The following SPECC1L variants were observed in gnomAD, a reference collection of about 807,000 sequenced individuals.
SPECC1L encodes the protein cytospin-A.
In SPECC1L, 40 loss-of-function variants were observed where a neutral mutation model predicts 116.8. The observed-to-expected ratio is 0.34, with a 90% confidence interval of 0.27 to 0.45. The LOEUF (loss-of-function observed/expected upper bound fraction) is 0.45, where lower values mean the gene tolerates loss of function less well. Among genes scored for constraint, SPECC1L ranks in the 20% least tolerant of loss-of-function variants. The probability of loss-of-function intolerance (pLI) is 1.00; values close to 1 mark genes in which losing one functional copy is unlikely to be tolerated. For synonymous variants in SPECC1L, 504 were observed against 500.6 expected, an observed-to-expected ratio of 1.01 and a Z score of -0.09; for missense variants, 1,110 against 1,373.6, an observed-to-expected ratio of 0.81 and a Z score of 3.03.
At position 24,400,492 on chromosome 22, in the gene SPECC1L, C is replaced by T. The variant is rs185941354; in HGVS notation, c.3088-11096C>T. On this transcript the variant is annotated intron_variant, in intron 14 of 16. Transcript: ENST00000314328. ...CAATTGGTGGGCATTTGGGTTGTTTCCACCTTTTGGCTTTTTTGAATAGTG... is the reference window on the plus strand; with the variant it reads ...CAATTGGTGGGCATTTGGGTTGTTTTCACCTTTTGGCTTTTTTGAATAGTG... Among the ~76,000 whole-genome samples, 7 of 152,290 alleles carry T rather than the reference C, an allele frequency of 4.6e-5. No homozygotes were observed. In the East Asian group the frequency reaches 1.4e-3, roughly 29 times the overall value.
At chr22:24,398,003 A>G (rs1210133665) in intron 14 of SPECC1L, among the ~76,000 whole-genome samples, 1 of 152,222 alleles carries the variant, frequency 6.6e-6, no homozygotes, top group Non-Finnish European at 1.5e-5. Context: ...AGACCCTGTG[A>G]CAGAATTTTC....
intron 5 of SPECC1L, among the ~76,000 whole-genome samples, chr22:24,323,910 C>T (rs923672657): frequency 1.3e-5 from 2 of 152,162 alleles, no homozygotes; most frequent in Non-Finnish European, 2.9e-5. Flanking sequence ...ATTAAACAAA[C>T]GTACATGCTT....
chr22:24,397,739 G>C (rs1484309318), intron 14 of SPECC1L, among the ~76,000 whole-genome samples: 1 of 152,070 alleles, frequency 6.6e-6, no homozygotes, highest in Non-Finnish European at 1.5e-5. Flanking sequence ...TGCCCATCCT[G>C]TCTGCTTCAT....
chr22:24,375,708 A>G (rs1362290706), intron 14 of SPECC1L, among the ~76,000 whole-genome samples: 1 of 152,206 alleles, frequency 6.6e-6, no homozygotes, highest in African/African-American at 2.4e-5. Context: ...TAATCCCAGT[A>G]CTTTGGGAGG....
chr22:24,314,491 CTA>C (rs1285629420), intron 4 of SPECC1L, among the ~76,000 whole-genome samples: 1 of 152,120 alleles, frequency 6.6e-6, no homozygotes, highest in Admixed American at 6.5e-5. Flanking sequence ...TATTTACTGT[CTA>C]TTTTTATATT....
chr22:24,402,848 T>G, intron 14 of SPECC1L, among the ~76,000 whole-genome samples: 1 of 152,242 alleles, frequency 6.6e-6, no homozygotes, highest in East Asian at 1.9e-4. Context: ...TTAATTAAAC[T>G]TCAAACAAAT....
At chr22:24,342,725 T>C (rs941153643) in intron 10 of SPECC1L, among the ~76,000 whole-genome samples, 2 of 147,814 alleles carry the variant, frequency 1.4e-5, no homozygotes, top group Non-Finnish European at 3.0e-5. Context: ...TTTGAGGACA[T>C]AGCAGTAGAA....
chr22:24,304,738 C>T (rs1041149833), intron 3 of SPECC1L, among the ~76,000 whole-genome samples: 4 of 152,162 alleles, frequency 2.6e-5, no homozygotes, highest in Non-Finnish European at 5.9e-5. Context: ...TGATATTTCT[C>T]CATGATTATT....
At chr22:24,312,732 A>G (rs1348356698) in intron 3 of SPECC1L, among the ~76,000 whole-genome samples, 1 of 152,196 alleles carries the variant, frequency 6.6e-6, no homozygotes, top group African/African-American at 2.4e-5. Context: ...TCAAGTAATA[A>G]CGATCATTTA....
intron 3 of SPECC1L, among the ~76,000 whole-genome samples, chr22:24,312,669 C>T (rs962969135): frequency 3.9e-5 from 6 of 151,988 alleles, no homozygotes; most frequent in African/African-American, 1.5e-4. Flanking sequence ...TTTTTTAAGG[C>T]TCATGTTTTT....
At chr22:24,411,816 G>A (rs2042704457) in intron 15 of SPECC1L, 112 bp downstream of exon 15, 2 of 883,278 alleles carry the variant, frequency 2.3e-6, no homozygotes, top group Admixed American at 1.7e-5. Flanking sequence ...GCTTGCGATT[G>A]CCTCGTGCCA....
intron 1 of SPECC1L, among the ~76,000 whole-genome samples, chr22:24,271,202 A>C (rs2048719944): frequency 6.6e-6 from 1 of 152,128 alleles, no homozygotes. Flanking sequence ...AACAACCCGC[A>C]GGCTTCGCCG....
intron 14 of SPECC1L, among the ~76,000 whole-genome samples, chr22:24,410,707 G>A (rs1401613216): frequency 6.6e-6 from 1 of 152,194 alleles, no homozygotes; most frequent in South Asian, 2.1e-4. Context: ...CCAATGCTCA[G>A]GGGGCCACGT....
chr22:24,353,735 C>G (rs2041471791), intron 11 of SPECC1L, among the ~76,000 whole-genome samples: 1 of 152,076 alleles, frequency 6.6e-6, no homozygotes, highest in Non-Finnish European at 1.5e-5. Flanking sequence ...GGAAGGGATA[C>G]TGCAGAGGTG....
rs889086253 is a variant in SPECC1L at position 24,416,727 on chromosome 22, A to AT, written c.*2105dup. 2.3e-4 allele frequency: 35 copies of AT among 150,142 alleles called. No homozygotes were observed. Among genetic ancestry groups the AT allele is most frequent in the African/African-American group, 8.2e-4 (34 of 41,392 alleles). 9.3% of individuals were successfully genotyped at this position (150,142 alleles called of 1,614,324 possible). On this transcript the variant is annotated 3_prime_UTR_variant, in exon 17 of 17. Transcript: ENST00000314328. ...GAGCCCAGCCCTGGTGCCTCATGGG[A>AT]TGGGGGGGTAGGGGTCCCCAGGATC... is the stretch of plus-strand genomic sequence containing the variant.
At chr22:24,336,287 A>G (rs1379430618) in intron 9 of SPECC1L, among the ~76,000 whole-genome samples, 1 of 151,862 alleles carries the variant, frequency 6.6e-6, no homozygotes, top group African/African-American at 2.4e-5. Flanking sequence ...ATATACCTAT[A>G]TGTGTGTGTG....
At chr22:24,289,123 A>G (rs1344868143) in intron 2 of SPECC1L, among the ~76,000 whole-genome samples, 2 of 152,214 alleles carry the variant, frequency 1.3e-5, no homozygotes, top group Non-Finnish European at 2.9e-5. Context: ...GCCTGCCAAG[A>G]GTCTGAGCAT....
At chr22:24,280,169 T>A (rs538953910) in intron 2 of SPECC1L, among the ~76,000 whole-genome samples, 342 of 148,024 alleles carry the variant, frequency 2.3e-3, no homozygotes, top group African/African-American at 8.8e-3. Flanking sequence ...GGAAATGAAT[T>A]GGGGGGTAAT....
intron 14 of SPECC1L, among the ~76,000 whole-genome samples, chr22:24,390,151 A>T (rs1205940947): frequency 1.3e-5 from 2 of 150,836 alleles, no homozygotes; most frequent in Admixed American, 1.3e-4. Context: ...AAAAAAAAAA[A>T]GAGGACTTTA....
Sources: allele counts gnomAD v4.1 joint callset (sites outside exome capture counted in the v4.1 genomes callset), GRCh38; gene constraint gnomAD v4.1.1; transcripts MANE v1.5; gene names NCBI Gene and HGNC (gene_info 2026-07-23, HGNC 2026-07-21).